The following MGMT variants were observed in gnomAD, a reference collection of about 807,000 sequenced individuals.
The protein encoded by MGMT is O-6-methylguanine-DNA methyltransferase, also known as methylated-DNA--protein-cysteine methyltransferase.
In MGMT, 14 loss-of-function variants were observed where a neutral mutation model predicts 15.9. That is an observed-to-expected ratio of 0.88 (90% CI 0.58 to 1.37). The LOEUF is 1.37. Among genes scored for constraint, MGMT ranks in the 40% most tolerant of loss-of-function variants. The pLI, the probability that MGMT is intolerant of heterozygous loss-of-function variation, is 0.00. For missense variants in MGMT, 282 were observed against 268.1 expected, an observed-to-expected ratio of 1.05 and a Z score of -0.36; for synonymous variants, 130 against 118.2, an observed-to-expected ratio of 1.10 and a Z score of -0.65.
chr10:129,660,258 A>G (rs1214646519), intron 2 of MGMT, among the ~76,000 whole-genome samples: 2 of 151,996 alleles, frequency 1.3e-5, no homozygotes, highest in Non-Finnish European at 2.9e-5. Flanking sequence ...AAAGTATTAC[A>G]TTAACCTTTT....
chr10:129,584,964 G>C (rs1846601981), intron 2 of MGMT, among the ~76,000 whole-genome samples: 1 of 151,998 alleles, frequency 6.6e-6, no homozygotes, highest in Non-Finnish European at 1.5e-5. Context: ...TTTCTCTTGG[G>C]GTATATATAC....
chr10:129,520,863 GGGTACAGAGCCCCTACA>G (rs1564841142), intron 1 of MGMT, among the ~76,000 whole-genome samples: 2 of 143,968 alleles, frequency 1.4e-5, no homozygotes, highest in African/African-American at 2.6e-5. Context: ...CATATGGTGC[GGGTACAGAGCCCCTACA>G]GTGCGGGTGC....
At chr10:129,484,916 ATG>A (rs1173805119) in intron 1 of MGMT, among the ~76,000 whole-genome samples, 4 of 151,692 alleles carry the variant, frequency 2.6e-5, no homozygotes, top group African/African-American at 9.7e-5. Flanking sequence ...GTATATATGT[ATG>A]TGTGTGTGTA....
At chr10:129,668,483 A>G (rs1847684883) in intron 2 of MGMT, among the ~76,000 whole-genome samples, 2 of 152,286 alleles carry the variant, frequency 1.3e-5, no homozygotes, top group South Asian at 2.1e-4. Context: ...GGACATCTCT[A>G]AATGGATATT....
chr10:129,769,639 G>A lies in MGMT; in HGVS notation c.*2642G>A, dbSNP rs1848979064. On this transcript the variant is annotated 3_prime_UTR_variant, in exon 5 of 5. Coordinates refer to ENST00000651593, the MANE Select transcript of MGMT (RefSeq NM_002412.5). ...TACTTGTTTTTGCAGAACCACACTTGTGGCAAAATAAGTTGCCTTTGGCCA... is the reference window on the plus strand; with the variant it reads ...TACTTGTTTTTGCAGAACCACACTTATGGCAAAATAAGTTGCCTTTGGCCA... Among the ~76,000 whole-genome samples, 1 of 152,134 alleles carries A rather than the reference G, an allele frequency of 6.6e-6. No individual in the cohort carries two copies. Among genetic ancestry groups the A allele is most frequent in the African/African-American group, 2.4e-5 (1 of 41,440 alleles).
intron 2 of MGMT, among the ~76,000 whole-genome samples, chr10:129,567,270 G>T (rs1256876541): frequency 6.6e-6 from 1 of 152,094 alleles, no homozygotes; most frequent in Non-Finnish European, 1.5e-5. Context: ...GCTCTAAGGG[G>T]CATTGTCTGT....
At chr10:129,561,709 G>A (rs572958806) in intron 2 of MGMT, among the ~76,000 whole-genome samples, 1 of 152,108 alleles carries the variant, frequency 6.6e-6, no homozygotes, top group African/African-American at 2.4e-5. Context: ...AGCATAAACT[G>A]CTATGTCTGC....
intron 2 of MGMT, among the ~76,000 whole-genome samples, chr10:129,555,711 T>C (rs1846205746): frequency 6.7e-6 from 1 of 149,636 alleles, no homozygotes; most frequent in African/African-American, 2.5e-5. Context: ...TGAGACCCTG[T>C]CTCTAAAAAA....
chr10:129,603,898 T>C (rs1846854696), intron 2 of MGMT, among the ~76,000 whole-genome samples: 1 of 152,226 alleles, frequency 6.6e-6, no homozygotes, highest in Admixed American at 6.5e-5. Context: ...ATTGAAGATA[T>C]TAACCCTGTG....
chr10:129,647,133 C>G (rs1218462492), intron 2 of MGMT, among the ~76,000 whole-genome samples: 3 of 152,074 alleles, frequency 2.0e-5, no homozygotes, highest in Non-Finnish European at 4.4e-5. Context: ...CCCATTTACT[C>G]AGGGTTTCTG....
At chr10:129,523,468 C>T (rs1181111653) in intron 1 of MGMT, among the ~76,000 whole-genome samples, 1 of 152,176 alleles carries the variant, frequency 6.6e-6, no homozygotes, top group East Asian at 1.9e-4. Flanking sequence ...GGGCATGAGA[C>T]TGTGCTGAGG....
chr10:129,543,143 C>T (rs1846062600), intron 2 of MGMT, among the ~76,000 whole-genome samples: 1 of 152,186 alleles, frequency 6.6e-6, no homozygotes, highest in Admixed American at 6.5e-5. Flanking sequence ...GGCCCCCGGA[C>T]ACACAGTGCT....
chr10:129,722,430 C>T lies in MGMT; in HGVS notation c.274+14387C>T, dbSNP rs554899222. ...TTAGTTATTGGAAGAGGCGGTGTTA[C>T]GGAGAGGTCACATCTACACAAATTG... is the stretch of plus-strand genomic sequence containing the variant. On this transcript the variant is annotated intron_variant, in intron 3 of 4. Transcript: ENST00000651593. 8.5e-5 allele frequency among the ~76,000 whole-genome samples: 13 copies of T among 152,150 alleles called. No individual in the cohort carries two copies. The South Asian group carries it at 1.2e-3, about 15-fold the overall frequency.
At chr10:129,502,854 C>G (rs892502199) in intron 1 of MGMT, among the ~76,000 whole-genome samples, 3 of 152,136 alleles carry the variant, frequency 2.0e-5, no homozygotes, top group African/African-American at 7.2e-5. Flanking sequence ...ACAAACAAGC[C>G]TTAGCGAGGC....
At chr10:129,601,484 C>A (rs994226224) in intron 2 of MGMT, among the ~76,000 whole-genome samples, 2 of 152,144 alleles carry the variant, frequency 1.3e-5, no homozygotes, top group Non-Finnish European at 2.9e-5. Context: ...GGGTGTCCAG[C>A]CTTCCTGGCA....
rs1468318814 is a variant in MGMT at position 129,467,262 on chromosome 10, C to A, written c.-47C>A. 6.5e-7 allele frequency: 1 copy of A among 1,544,800 alleles called. No individual in the cohort carries two copies. The highest frequency in any genetic ancestry group is 8.7e-7 in the Non-Finnish European group (1 of 1,145,744). ...CTAGAACGCTTTGCGTCCCGACGCCCGCAGGTCCTCGCGGTGCGCACCGTT... is the reference window on the plus strand; with the variant it reads ...CTAGAACGCTTTGCGTCCCGACGCCAGCAGGTCCTCGCGGTGCGCACCGTT... On this transcript the variant is annotated 5_prime_UTR_variant, in exon 1 of 5. Coordinates refer to ENST00000651593, the MANE Select transcript of MGMT (RefSeq NM_002412.5).
intron 1 of MGMT, among the ~76,000 whole-genome samples, chr10:129,469,008 C>T (rs958222678): frequency 6.6e-6 from 1 of 152,276 alleles, no homozygotes; most frequent in African/African-American, 2.4e-5. Flanking sequence ...CATTGGGTAG[C>T]ACCTTGTTCA....
At chr10:129,691,281 C>T (rs1847966926) in intron 2 of MGMT, among the ~76,000 whole-genome samples, 1 of 152,198 alleles carries the variant, frequency 6.6e-6, no homozygotes, top group Non-Finnish European at 1.5e-5. Flanking sequence ...CAGAAAGTGA[C>T]ACCTAACACT....
chr10:129,477,074 C>T (rs1472485910), intron 1 of MGMT, among the ~76,000 whole-genome samples: 1 of 152,120 alleles, frequency 6.6e-6, no homozygotes, highest in East Asian at 1.9e-4. Context: ...TGTGCTCTGC[C>T]CTGAGGTTGG....
Sources: gnomAD v4.1 joint callset for allele counts (sites outside exome capture counted in the v4.1 genomes callset) on GRCh38, gnomAD v4.1.1 for gene constraint, MANE v1.5 for transcripts, NCBI Gene and HGNC (gene_info 2026-07-23, HGNC 2026-07-21) for gene names.